Variants in WDR3 observed in about 807,000 individuals in gnomAD.
WDR3 encodes the protein WD repeat-containing protein 3.
A neutral mutation model predicts 123.7 loss-of-function variants in WDR3; 81 were observed. The ratio of observed to expected loss-of-function variants is 0.65; its 90% confidence interval spans 0.55 to 0.79. The LOEUF is 0.79. WDR3 is among the 30% of genes least tolerant of loss of function. The probability of loss-of-function intolerance (pLI) is 0.00; values close to 1 mark genes in which losing one functional copy is unlikely to be tolerated. For synonymous variants in WDR3, 390 were observed against 388.8 expected (o/e 1.00, Z -0.04); for missense variants, 1,027 against 1,123.2 (o/e 0.91, Z 1.22).
At chr1:117,936,722 T>A (rs775064069) in intron 3 of WDR3, 47 bp from the exon 4 acceptor site, 2 of 1,446,132 alleles carry the variant, frequency 1.4e-6, no homozygotes, top group African/African-American at 2.8e-5. Flanking sequence ...TTGGGCCATA[T>A]ATGGTAAAGA....
chr1:117,943,358 A>G (rs1255562263), intron 10 of WDR3, 38 bp from the exon 11 acceptor site: 3 of 1,542,092 alleles, frequency 1.9e-6, no homozygotes, highest in African/African-American at 1.4e-5. Context: ...GTGAGCTAAG[A>G]TGGTAGCTAG....
At chr1:117,944,453 T>A (rs758224059) in intron 11 of WDR3, among the ~76,000 whole-genome samples, 1 of 152,240 alleles carries the variant, frequency 6.6e-6, no homozygotes. Flanking sequence ...CTCTGTATGA[T>A]GACACATAAA....
intron 26 of WDR3, 85 bp from the exon 27 acceptor site, chr1:117,959,207 G>A (rs984393663): frequency 6.7e-7 from 1 of 1,497,394 alleles, no homozygotes; most frequent in African/African-American, 1.4e-5. Context: ...AACACCTGAA[G>A]CTTTGGTTAC....
At chr1:117,930,706 G>A (rs115762191) in intron 1 of WDR3, among the ~76,000 whole-genome samples, 2,032 of 152,322 alleles carry the variant, frequency 0.013, 36 homozygotes, top group South Asian at 0.092. Context: ...TGGAGAGAAA[G>A]GGATCCTGTT....
chr1:117,963,893 G>C lies in WDR3; in HGVS notation c.*4446G>C, dbSNP rs759226421. On this transcript the variant is annotated 3_prime_UTR_variant, in exon 27 of 27. Coordinates refer to ENST00000349139, the MANE Select transcript of WDR3 (RefSeq NM_006784.3). ...GACCATTGGATTTTCTTTTCCCTGG[G>C]GAAAGTCTTTTGGTCGTTTATCATA... 6.2e-7 allele frequency: 1 copy of C among 1,613,726 alleles called. No homozygotes were observed. Among genetic ancestry groups the C allele is most frequent in the South Asian group, 1.1e-5 (1 of 91,032 alleles).
At chr1:117,953,881 G>A (rs767940516) in intron 21 of WDR3, 126 bp from the exon 22 acceptor site, 22 of 771,368 alleles carry the variant, frequency 2.9e-5, no homozygotes, top group East Asian at 5.0e-5. Context: ...CACTCTATTC[G>A]CACGTCTTTA....
chr1:117,930,708 G>A (rs1200002755), intron 1 of WDR3, among the ~76,000 whole-genome samples: 1 of 152,220 alleles, frequency 6.6e-6, no homozygotes, highest in Non-Finnish European at 1.5e-5. Flanking sequence ...GAGAGAAAGG[G>A]ATCCTGTTTC....
chr1:117,954,748 T>A, intron 23 of WDR3, 121 bp downstream of exon 23: 2 of 1,066,952 alleles, frequency 1.9e-6, no homozygotes, highest in Non-Finnish European at 2.7e-6. Flanking sequence ...TCTTCAAAAG[T>A]CTCTTTTGAA....
rs1651181912 is a variant in WDR3, at chr1:117,941,773, G to A, written c.915G>A (p.Leu305=). 6.2e-7 allele frequency: 1 copy of A among 1,611,384 alleles called. No homozygotes were observed. Among genetic ancestry groups the A allele is most frequent in the African/African-American group, 1.3e-5 (1 of 74,872 alleles). The change falls in exon 9 of 27, where the codon TTG becomes TTA. Residue 305 remains leucine, a synonymous_variant. Coordinates refer to ENST00000349139, the MANE Select transcript of WDR3 (RefSeq NM_006784.3). ...ACHGTDSVLE[L]FCILSKKEIQ... ...AGGGAACTGACTCTGTGCTAGAATTGTTTTGTATCCTTTCCAAAAAGGAAA... is the reference window on the plus strand; with the variant it reads ...AGGGAACTGACTCTGTGCTAGAATTATTTTGTATCCTTTCCAAAAAGGAAA...
At chr1:117,944,753 G>A (rs1275871377) in intron 11 of WDR3, among the ~76,000 whole-genome samples, 1 of 152,122 alleles carries the variant, frequency 6.6e-6, no homozygotes, top group East Asian at 1.9e-4. Flanking sequence ...CCAGGCTGGA[G>A]TGCATTGATG....
At chr1:117,929,969 T>A (rs1449273421) in intron 1 of WDR3, 187 bp downstream of exon 1, 2 of 152,458 alleles carry the variant, frequency 1.3e-5, no homozygotes, top group Non-Finnish European at 2.9e-5. Flanking sequence ...GCCCCTCAGC[T>A]ACTCGGCGCG....
Position 117,954,103 on chromosome 1 carries a change from A to G in WDR3, c.2361+4A>G, listed in dbSNP as rs1165671763. ...TTGTAAAGCTGCAGGGAAAGAGGTA[A>G]TAAGAGAGTACAGTAAGTTACAGTA... On this transcript the variant is annotated splice_donor_region_variant and intron_variant, in intron 22 of 26. Coordinates refer to ENST00000349139, the MANE Select transcript of WDR3 (RefSeq NM_006784.3). 6.2e-7 allele frequency: 1 copy of G among 1,610,010 alleles called. No individual in the cohort carries two copies. Among genetic ancestry groups the G allele is most frequent in the Non-Finnish European group, 8.5e-7 (1 of 1,177,552 alleles).
rs1321871448 is a variant in WDR3 at position 117,961,859 on chromosome 1, A to G, written c.*2412A>G. 6.6e-6 allele frequency: 1 copy of G among 152,528 alleles called. No homozygotes were observed. Among genetic ancestry groups the G allele is most frequent in the Non-Finnish European group, 1.5e-5 (1 of 68,028 alleles). The allele number at this position is 152,528 out of a possible 1,614,324, so 9.4% of individuals were successfully genotyped here. On this transcript the variant is annotated 3_prime_UTR_variant, in exon 27 of 27. Transcript: ENST00000349139. ...CATTCTAGGTGCTTTCCAAGGAGTC[A>G]GTGTTGTTTAGGCAGCTATTCCTGC...
intron 17 of WDR3, 98 bp downstream of exon 17, chr1:117,952,174 A>G: frequency 6.8e-7 from 1 of 1,474,230 alleles, no homozygotes; most frequent in Non-Finnish European, 9.3e-7. Context: ...TCAGGCAGTG[A>G]TACAAGTTCT....
At chr1:117,951,833 C>A (rs1365160373) in intron 16 of WDR3, 143 bp from the exon 17 acceptor site, 5 of 720,848 alleles carry the variant, frequency 6.9e-6, no homozygotes, top group Non-Finnish European at 8.9e-6. Flanking sequence ...GCAAAGAATT[C>A]AGTGTTTTTA....
At chr1:117,952,213 C>A in intron 17 of WDR3, 84 bp from the exon 18 acceptor site, 1 of 1,430,644 alleles carries the variant, frequency 7.0e-7, no homozygotes, top group South Asian at 1.2e-5. Flanking sequence ...CTAGAACTAG[C>A]TAGTCAAAAG....
At position 117,943,510 on chromosome 1, in the gene WDR3, C is replaced by T; in HGVS notation, c.1212C>T (p.Val404=). 1 of 1,614,078 alleles carries T rather than the reference C, an allele frequency of 6.2e-7. No homozygotes were observed. Residue 404 remains valine (V), a synonymous_variant, in exon 11 of 27, where the codon GTC becomes GTT. Transcript: ENST00000349139. ...CATCCTTGCCTACTCCTCAGCCTGT[C>T]AGGACAAGCAGAATCACTATTGGGG... is the stretch of plus-strand genomic sequence containing the variant. ...LNPSLPTPQP[V]RTSRITIGGH...
Position 117,940,908 on chromosome 1 carries a change from G to C in WDR3, c.757G>C (p.Gly253Arg). The C allele has an allele frequency of 6.2e-7, 1 of 1,613,858 alleles. No individual in the cohort carries two copies. The change falls in exon 7 of 27, where the codon GGT becomes CGT. Residue 253 changes from glycine to arginine, a missense_variant. Coordinates refer to ENST00000349139, the MANE Select transcript of WDR3 (RefSeq NM_006784.3). ...ACAAGATACTCTTGAGGCAGAGGAT[G>C]GTGCCTTTGAGACGGATGAAGCCCC... ...GIQDTLEAED[G>R]AFETDEAPED...
chr1:117,941,131 T>C lies in WDR3; in HGVS notation c.797T>C (p.Leu266Pro). The C allele has an allele frequency of 6.2e-7, 1 of 1,614,168 alleles. No homozygotes were observed. The highest frequency in any genetic ancestry group is 2.2e-5 in the East Asian group (1 of 44,874). The change falls in exon 8 of 27, where the codon CTT becomes CCT. Residue 266 changes from leucine to proline, a missense_variant. By Grantham distance (98) the Leu-to-Pro change is moderately conservative. Coordinates refer to ENST00000349139, the MANE Select transcript of WDR3 (RefSeq NM_006784.3). Reference sequence around the variant, plus strand: ...CTCTTGCTTCTTCTGTAGCGAATCCTTTCATGCAGAAAAGCTGGTTCCATA... The same window carrying C: ...CTCTTGCTTCTTCTGTAGCGAATCCCTTCATGCAGAAAAGCTGGTTCCATA... Reference protein sequence around the residue: ...ETDEAPEDRILSCRKAGSIMR... With the variant: ...ETDEAPEDRIPSCRKAGSIMR...
Sources: allele counts gnomAD v4.1 joint callset (sites outside exome capture counted in the v4.1 genomes callset), GRCh38; gene constraint gnomAD v4.1.1; transcripts MANE v1.5; gene names NCBI Gene and HGNC (gene_info 2026-07-23, HGNC 2026-07-21).